The following AGBL5 variants were observed in gnomAD, a reference collection of about 807,000 sequenced individuals.
AGBL5 encodes the protein cytosolic carboxypeptidase-like protein 5.
Under a neutral mutation model 88.0 loss-of-function variants are expected in AGBL5, and 51 were observed. That is an observed-to-expected ratio of 0.58 (90% CI 0.46 to 0.73). AGBL5 has a LOEUF of 0.73. Ranked by LOEUF, AGBL5 falls within the 30% of genes least tolerant of loss-of-function variation. The probability of loss-of-function intolerance (pLI) is 0.00; values close to 1 mark genes in which losing one functional copy is unlikely to be tolerated. For synonymous variants in AGBL5, 446 were observed against 438.8 expected, an observed-to-expected ratio of 1.02 and a Z score of -0.21; for missense variants, 1,031 against 1,162.2, an observed-to-expected ratio of 0.89 and a Z score of 1.64.
Position 27,056,032 on chromosome 2 carries a change from T to A in AGBL5, c.1259T>A (p.Ile420Asn). The A allele has an allele frequency of 6.2e-7, 1 of 1,613,770 alleles. No homozygotes were observed. Among genetic ancestry groups the A allele is most frequent in the Admixed American group, 1.7e-5 (1 of 59,950 alleles). ...AGLEESAPDT[I>N]PPKESGVAYY... Reference sequence around the variant, plus strand: ...CTTGAAGAGTCAGCCCCTGATACCATCCCCCCCAAAGAGAGTGGCGTTGCT... The same window carrying A: ...CTTGAAGAGTCAGCCCCTGATACCAACCCCCCCAAAGAGAGTGGCGTTGCT... The change falls in exon 7 of 15, where the codon ATC becomes AAC. Residue 420 changes from isoleucine to asparagine, a missense_variant. This residue lies in a region of AGBL5 where 540 missense variants were observed against 678.2 expected (regional missense o/e 0.80). Coordinates refer to ENST00000360131, the MANE Select transcript of AGBL5 (RefSeq NM_021831.6).
intron 6 of AGBL5, chr2:27,055,460 C>A: frequency 1.2e-6 from 1 of 841,162 alleles, no homozygotes; most frequent in Non-Finnish European, 1.8e-6. Context: ...ACTGCAGGCC[C>A]ATCTGGGTGG....
chr2:27,064,491 G>A (rs946722068), intron 11 of AGBL5, among the ~76,000 whole-genome samples: 2 of 151,456 alleles, frequency 1.3e-5, no homozygotes, highest in South Asian at 2.1e-4. Flanking sequence ...TAGTAGAGAT[G>A]GGGTTTCACC....
intron 9 of AGBL5, 81 bp downstream of exon 9, chr2:27,057,519 G>A: frequency 6.8e-7 from 1 of 1,477,076 alleles, no homozygotes; most frequent in Non-Finnish European, 9.1e-7. Flanking sequence ...CTGACTCTAA[G>A]GTCCTTTGAA....
In AGBL5 at chr2:27,070,226, CT is replaced by C. The variant is rs1458051182; in HGVS notation, c.2625del (p.Lys876AsnfsTer5). 6.2e-7 allele frequency: 1 copy of C among 1,614,192 alleles called. No individual in the cohort carries two copies. The highest frequency in any genetic ancestry group is 2.2e-5 in the East Asian group (1 of 44,888). On this transcript the variant is annotated frameshift_variant, in exon 15 of 15. Coordinates refer to ENST00000360131, the MANE Select transcript of AGBL5 (RefSeq NM_021831.6). LOFTEE classifies it high-confidence loss of function. ...PLGQPEVCFV[P>X]KSPPLTVSPR... is the part of the protein sequence containing the mutation. The stretch of plus-strand genomic sequence containing the variant: ...GGCCAACCTGAGGTTTGTTTTGTCC[CT>C]AAATCTCCCCCACTGACTGTTTCTC...
intron 4 of AGBL5, 132 bp downstream of exon 4, chr2:27,054,191 G>T: frequency 1.7e-6 from 2 of 1,152,412 alleles, no homozygotes; most frequent in Non-Finnish European, 2.4e-6. Flanking sequence ...GTACAGACAG[G>T]ACTTTGGGTA....
intron 8 of AGBL5, chr2:27,057,006 A>G (rs530650770): frequency 2.9e-5 from 17 of 585,860 alleles, no homozygotes; most frequent in Non-Finnish European, 4.8e-5. Flanking sequence ...CAAAAAAAAA[A>G]CAAAAAACAA....
In AGBL5 at chr2:27,059,386, G is replaced by A. The variant is rs369902092; in HGVS notation, c.2071G>A (p.Val691Met). ...TAGTACCCAAAAGGTCACCCACCGGGTGCTGGGCCCCGTCAGAGGTAAGCC... is the reference window on the plus strand; with the variant it reads ...TAGTACCCAAAAGGTCACCCACCGGATGCTGGGCCCCGTCAGAGGTAAGCC... The part of the protein sequence containing the change: ...GSSTQKVTHR[V>M]LGPVREPRSQ... The change falls in exon 11 of 15, where the codon GTG (valine) becomes ATG (methionine). Residue 691 changes from valine (V) to methionine (M), a missense_variant. Physicochemically the swap from Val to Met is conservative, Grantham distance 21 (BLOSUM62 1). Transcript: ENST00000360131. 7 of 1,614,114 alleles carry A rather than the reference G, an allele frequency of 4.3e-6. No homozygotes were observed. Among genetic ancestry groups the A allele is most frequent in the African/African-American group, 1.3e-5 (1 of 74,940 alleles).
Position 27,053,262 on chromosome 2 carries a change from C to T in AGBL5, c.215+89C>T. On this transcript the variant is annotated intron_variant, in intron 2 of 14. Coordinates refer to ENST00000360131, the MANE Select transcript of AGBL5 (RefSeq NM_021831.6). The surrounding 1 kb of genome is among the most constrained non-coding windows in gnomAD (Gnocchi z 4.9). ...CTTATCTGTTCATACCCAGCATACTCCCTGTCCATTTCTGACCCATCGTCC... is the reference window on the plus strand; with the variant it reads ...CTTATCTGTTCATACCCAGCATACTTCCTGTCCATTTCTGACCCATCGTCC... 6.6e-7 allele frequency: 1 copy of T among 1,519,050 alleles called. No homozygotes were observed. Among genetic ancestry groups the T allele is most frequent in the South Asian group, 1.3e-5 (1 of 78,096 alleles). The allele number at this position is 1,519,050 out of a possible 1,614,324, so 94.1% of individuals were successfully genotyped here. A position where few individuals can be genotyped will look rare whatever the true frequency, so the allele number is the denominator to read the frequency against.
At chr2:27,055,410 A>G in intron 6 of AGBL5, 157 bp downstream of exon 6, 1 of 1,093,050 alleles carries the variant, frequency 9.1e-7, no homozygotes, top group Non-Finnish European at 1.3e-6. Context: ...GCATGAGATC[A>G]TATCTAGTGG....
intron 11 of AGBL5, among the ~76,000 whole-genome samples, chr2:27,064,170 ATC>A (rs1285492536): frequency 6.6e-6 from 1 of 151,946 alleles, no homozygotes; most frequent in Non-Finnish European, 1.5e-5. Context: ...GCCCTAGACT[ATC>A]TCTGTCATTG....
chr2:27,050,873 T>G (rs1396798496), upstream of AGBL5: 5 of 152,192 alleles, frequency 3.3e-5, no homozygotes, highest in East Asian at 5.8e-4. Context: ...TCGAAGGACT[T>G]CGTCTGTAAT....
At chr2:27,067,008 G>A (rs185399290) in intron 11 of AGBL5, among the ~76,000 whole-genome samples, 10 of 152,148 alleles carry the variant, frequency 6.6e-5, no homozygotes, top group African/African-American at 2.2e-4. Flanking sequence ...GCTTGAACCC[G>A]GGAGGCGGAG....
Position 27,055,075 on chromosome 2 carries a change from A to T in AGBL5, c.730A>T (p.Ile244Leu). ...PRPFRFAGKR[I>L]FFLSSRVHPG... ...ATGTCTGCTCTCCTCTCTACCTCAG[A>T]TATTCTTCTTAAGCAGTAGAGTACA... Residue 244 changes from isoleucine to leucine, a missense_variant and splice_region_variant, in exon 6 of 15, where the codon ATA becomes TTA. Physicochemically the swap from Ile to Leu is conservative, Grantham distance 5. Transcript: ENST00000360131. 1 of 1,613,716 alleles carries T rather than the reference A, an allele frequency of 6.2e-7. No individual in the cohort carries two copies. The highest frequency in any genetic ancestry group is 8.5e-7 in the Non-Finnish European group (1 of 1,179,642).
In AGBL5 at chr2:27,056,427, A is replaced by G. The variant is rs143641092; in HGVS notation, c.1366-196A>G. The G allele has an allele frequency of 1.4e-4, 89 of 640,064 alleles. 1 individual carries two copies. Among genetic ancestry groups the G allele is most frequent in the Admixed American group, 4.4e-4 (13 of 29,826 alleles). The allele number at this position is 640,064 out of a possible 1,614,324, so 39.6% of individuals were successfully genotyped here. A position where few individuals can be genotyped will look rare whatever the true frequency, so the allele number is the denominator to read the frequency against. On this transcript the variant is annotated intron_variant, in intron 7 of 14. Coordinates refer to ENST00000360131, the MANE Select transcript of AGBL5 (RefSeq NM_021831.6). Reference sequence around the variant, plus strand: ...GCATTGTTGGAGGGAGGAAGCTAAAAGCTTAAAAAAAAAAGAATTGCTTCC... The same window carrying G: ...GCATTGTTGGAGGGAGGAAGCTAAAGGCTTAAAAAAAAAAGAATTGCTTCC...
At chr2:27,066,461 T>C (rs1668993755) in intron 11 of AGBL5, among the ~76,000 whole-genome samples, 2 of 152,226 alleles carry the variant, frequency 1.3e-5, no homozygotes, top group South Asian at 2.1e-4. Context: ...TAGAGCTGGA[T>C]TTCAGGAGAA....
upstream of AGBL5, among the ~76,000 whole-genome samples, chr2:27,050,845 C>G (rs998806299): frequency 1.3e-5 from 2 of 152,134 alleles, no homozygotes; most frequent in African/African-American, 2.4e-5. Flanking sequence ...ATCCTTAGGT[C>G]GCTGGTTCGA....
Position 27,059,372 on chromosome 2 carries a change from A to G in AGBL5, c.2057A>G (p.Lys686Arg). 2 of 1,614,190 alleles carry G rather than the reference A, an allele frequency of 1.2e-6. No homozygotes were observed. Among genetic ancestry groups the G allele is most frequent in the Non-Finnish European group, 1.7e-6 (2 of 1,180,034 alleles). The change falls in exon 11 of 15, where the codon AAG (lysine) becomes AGG (arginine). Residue 686 changes from lysine to arginine, a missense_variant. By Grantham distance (26) the Lys-to-Arg change is conservative. Transcript: ENST00000360131. ...GLPGLGSSTQ[K>R]VTHRVLGPVR... ...CCAGGCCTGGGCTCTAGTACCCAAAAGGTCACCCACCGGGTGCTGGGCCCC... is the reference window on the plus strand; with the variant it reads ...CCAGGCCTGGGCTCTAGTACCCAAAGGGTCACCCACCGGGTGCTGGGCCCC...
chr2:27,055,009 C>G (rs936212515), intron 5 of AGBL5, 66 bp from the exon 6 acceptor site: 6 of 1,553,866 alleles, frequency 3.9e-6, no homozygotes, highest in Non-Finnish European at 5.3e-6. Flanking sequence ...CATGACACCC[C>G]CCATATACTG....
rs1668490262 is a variant in AGBL5 at position 27,057,383 on chromosome 2, GC to G, written c.1622del (p.Pro541LeufsTer54). Reference sequence around the variant, plus strand: ...GCCTGCCATGACAATGGGCGTGCCAGCCCCCCTCCCCCGCCGGCTTTCCCCT... The same window carrying G: ...GCCTGCCATGACAATGGGCGTGCCAGCCCCCTCCCCCGCCGGCTTTCCCCT... ...PAACHDNGRA[S>X]PPPPPAFPSR... On this transcript the variant is annotated frameshift_variant, in exon 9 of 15. Transcript: ENST00000360131. LOFTEE classifies it high-confidence loss of function. The G allele has an allele frequency of 6.2e-7, 1 of 1,613,988 alleles. No individual in the cohort carries two copies. Among genetic ancestry groups the G allele is most frequent in the East Asian group, 2.2e-5 (1 of 44,886 alleles).
Sources: allele counts gnomAD v4.1 joint callset (sites outside exome capture counted in the v4.1 genomes callset), GRCh38; gene constraint gnomAD v4.1.1; regional missense constraint gnomAD v4.1.1; non-coding constraint Gnocchi (gnomAD v3.1); transcripts MANE v1.5; gene names NCBI Gene and HGNC (gene_info 2026-07-23, HGNC 2026-07-21).